The following MAP3K7CL variants were observed in gnomAD, a reference collection of about 807,000 sequenced individuals.
The protein encoded by MAP3K7CL is MAP3K7 C-terminal-like protein.
A neutral mutation model predicts 18.6 loss-of-function variants in MAP3K7CL; 16 were observed. That is an observed-to-expected ratio of 0.86 (90% CI 0.58 to 1.31). The LOEUF is 1.31. Among genes scored for constraint, MAP3K7CL ranks in the 50% most tolerant of loss-of-function variants. The pLI is 0.00. For synonymous variants in MAP3K7CL, 65 were observed against 66.8 expected (o/e 0.97, Z 0.13); for missense variants, 163 against 174.4 (o/e 0.93, Z 0.37).
chr21:29,144,799 G>A lies in MAP3K7CL; in HGVS notation c.71-4390G>A, dbSNP rs75977535. 3.8e-3 allele frequency among the ~76,000 whole-genome samples: 584 copies of A among 152,250 alleles called. 9 individuals are homozygous for A. In the East Asian group the frequency reaches 0.065, roughly 17 times the overall value. Reference sequence around the variant, plus strand: ...AATGTGTCCTATTTATTCAAGTTATGGAGAAACACAGAGAAGACAATTGAA... The same window carrying A: ...AATGTGTCCTATTTATTCAAGTTATAGAGAAACACAGAGAAGACAATTGAA... On this transcript the variant is annotated intron_variant, in intron 2 of 4. Coordinates refer to ENST00000399928, the MANE Select transcript of MAP3K7CL (RefSeq NM_001286620.2).
At chr21:29,154,861 T>G (rs11910539) in intron 3 of MAP3K7CL, among the ~76,000 whole-genome samples, 2 of 152,226 alleles carry the variant, frequency 1.3e-5, no homozygotes, top group Non-Finnish European at 1.5e-5. Context: ...ATAGATACTT[T>G]GGAGCTTTTC....
chr21:29,126,559 A>T (rs1280076542), upstream of MAP3K7CL, among the ~76,000 whole-genome samples: 1 of 152,094 alleles, frequency 6.6e-6, no homozygotes, highest in African/African-American at 2.4e-5. Context: ...CCCGAGTTCA[A>T]GTGATTCTCC....
At chr21:29,091,567 C>T (rs1175507124) in exon 2 of MAP3K7CL, 1 of 701,406 alleles carries the variant, frequency 1.4e-6, no homozygotes, top group African/African-American at 1.7e-5. Flanking sequence ...CCCTGACCTC[C>T]TGGGCCCAGG....
At chr21:29,142,827 T>A (rs929726822) in intron 2 of MAP3K7CL, among the ~76,000 whole-genome samples, 1 of 152,126 alleles carries the variant, frequency 6.6e-6, no homozygotes, top group African/African-American at 2.4e-5. Context: ...GGAAACTGAG[T>A]CTCAAGAAGA....
At chr21:29,162,981 C>A (rs73193808) in intron 4 of MAP3K7CL, among the ~76,000 whole-genome samples, 35,892 of 151,952 alleles carry the variant, frequency 0.24, 5,449 homozygotes, top group African/African-American at 0.43. Flanking sequence ...GTAGATAGCA[C>A]GTGCCTGTAA....
chr21:29,106,401 C>T (rs138477489), intron 4 of MAP3K7CL, among the ~76,000 whole-genome samples: 4 of 152,054 alleles, frequency 2.6e-5, no homozygotes, highest in East Asian at 1.9e-4. Context: ...AGGCTGGTCT[C>T]GAATCCCTGA....
At chr21:29,101,557 C>T (rs979585166) in intron 4 of MAP3K7CL, among the ~76,000 whole-genome samples, 7 of 152,080 alleles carry the variant, frequency 4.6e-5, no homozygotes, top group African/African-American at 1.2e-4. Flanking sequence ...TACAGGCGCC[C>T]GCCACCATGC....
At position 29,119,199 on chromosome 21, in the gene MAP3K7CL, C is replaced by T. The variant is rs149828938; in HGVS notation, c.370+26618C>T. On this transcript the variant is annotated intron_variant, in intron 4 of 6. Transcript: ENST00000286791. ...CATTCAGTACTGACAATATTAGGCT[C>T]GTGTAAATGTATTCACAGCTGAGGC... 2.0e-4 allele frequency among the ~76,000 whole-genome samples: 31 copies of T among 152,284 alleles called. No homozygotes were observed. In the South Asian group the frequency reaches 3.7e-3, roughly 18 times the overall value.
chr21:29,146,453 A>G (rs1689622750), intron 2 of MAP3K7CL, among the ~76,000 whole-genome samples: 1 of 152,204 alleles, frequency 6.6e-6, no homozygotes, highest in Admixed American at 6.5e-5. Flanking sequence ...TGACAAGTGT[A>G]TTATTTTTGC....
At chr21:29,160,771 T>C (rs1241262367) in intron 4 of MAP3K7CL, among the ~76,000 whole-genome samples, 28 of 152,200 alleles carry the variant, frequency 1.8e-4, no homozygotes, top group Non-Finnish European at 4.4e-5. Context: ...TGATTAGATC[T>C]CCTTTTGATT....
intron 4 of MAP3K7CL, among the ~76,000 whole-genome samples, chr21:29,117,078 C>T (rs1464571913): frequency 1.3e-5 from 2 of 152,038 alleles, no homozygotes; most frequent in Non-Finnish European, 2.9e-5. Context: ...AACACAAAAG[C>T]ATCTGTGAAA....
At chr21:29,088,606 C>T (rs1207505722) in intron 1 of MAP3K7CL, among the ~76,000 whole-genome samples, 1 of 152,110 alleles carries the variant, frequency 6.6e-6, no homozygotes, top group Non-Finnish European at 1.5e-5. Flanking sequence ...AAATATATTC[C>T]ATAACACTAG....
intron 4 of MAP3K7CL, among the ~76,000 whole-genome samples, chr21:29,112,596 A>C (rs941454732): frequency 6.6e-6 from 1 of 151,698 alleles, no homozygotes; most frequent in Non-Finnish European, 1.5e-5. Flanking sequence ...GGTTTGATCA[A>C]GTTCAGTTTC....
At chr21:29,131,471 A>T (rs2086779540) in intron 1 of MAP3K7CL, 1 of 152,248 alleles carries the variant, frequency 6.6e-6, no homozygotes, top group Non-Finnish European at 1.5e-5. Flanking sequence ...GGTGGCTAAC[A>T]AAATGCTTGA....
At chr21:29,144,759 T>A (rs1261822295) in intron 2 of MAP3K7CL, among the ~76,000 whole-genome samples, 2 of 152,224 alleles carry the variant, frequency 1.3e-5, no homozygotes, top group East Asian at 3.8e-4. Flanking sequence ...CAGGGAGGAT[T>A]TGGATTACAG....
intron 4 of MAP3K7CL, among the ~76,000 whole-genome samples, chr21:29,106,401 C>A (rs138477489): frequency 2.0e-5 from 3 of 152,054 alleles, no homozygotes; most frequent in African/African-American, 7.2e-5. Flanking sequence ...AGGCTGGTCT[C>A]GAATCCCTGA....
intron 4 of MAP3K7CL, among the ~76,000 whole-genome samples, chr21:29,100,461 G>A (rs929746844): frequency 2.6e-5 from 4 of 152,156 alleles, no homozygotes; most frequent in Admixed American, 1.3e-4. Context: ...TAGTTAGAGT[G>A]TGGATTTCAG....
upstream of MAP3K7CL, chr21:29,130,574 C>T: frequency 1.0e-6 from 1 of 985,146 alleles, no homozygotes; most frequent in Non-Finnish European, 1.2e-6. Context: ...GGACTCCCCA[C>T]AACTTGCTGT....
chr21:29,138,814 A>T lies in MAP3K7CL; in HGVS notation c.70+5400A>T, dbSNP rs533920073. 3.2e-4 allele frequency among the ~76,000 whole-genome samples: 49 copies of T among 151,946 alleles called. No homozygotes were observed. In the East Asian group the frequency reaches 8.5e-3, roughly 26 times the overall value. ...GCAACATAATGAGACCTATCTCTAT[A>T]AAAAAAATCAAAAAATAAGCCAGGT... On this transcript the variant is annotated intron_variant, in intron 2 of 4. Transcript: ENST00000399928.
Sources: gnomAD v4.1 joint callset for allele counts (sites outside exome capture counted in the v4.1 genomes callset) on GRCh38, gnomAD v4.1.1 for gene constraint, MANE v1.5 for transcripts, NCBI Gene and HGNC (gene_info 2026-07-23, HGNC 2026-07-21) for gene names.